Variants in KAZN observed in about 807,000 individuals in gnomAD.
The protein encoded by KAZN is kazrin, periplakin interacting protein, also known as kazrin.
In KAZN, 40 loss-of-function variants were observed where a neutral mutation model predicts 87.4. The observed-to-expected ratio is 0.46, with a 90% CI of 0.36 to 0.60. KAZN has a LOEUF of 0.60. KAZN is among the 20% of genes least tolerant of loss of function. The pLI is 0.00. For synonymous variants in KAZN, 466 were observed against 458.3 expected (o/e 1.02, Z -0.22); for missense variants, 898 against 1,073.9 (o/e 0.84, Z 2.29).
At chr1:14,781,007 C>G in intron 1 of KAZN, among the ~76,000 whole-genome samples, 1 of 152,128 alleles carries the variant, frequency 6.6e-6, no homozygotes, top group East Asian at 1.9e-4. Context: ...ACTGAAGGCA[C>G]CGAGAGTAAA....
chr1:14,831,183 C>T (rs1394757931), intron 1 of KAZN, among the ~76,000 whole-genome samples: 1 of 152,212 alleles, frequency 6.6e-6, no homozygotes. Flanking sequence ...TTGCTCATGC[C>T]CATTCCCTTG....
chr1:14,489,099 A>G (rs1440166739), intron 2 of KAZN, among the ~76,000 whole-genome samples: 1 of 152,230 alleles, frequency 6.6e-6, no homozygotes, highest in Non-Finnish European at 1.5e-5. Flanking sequence ...ATTCTTTGGC[A>G]ATTGTTGTTT....
intron 1 of KAZN, among the ~76,000 whole-genome samples, chr1:14,843,659 A>G (rs1648304739): frequency 2.0e-5 from 3 of 152,160 alleles, no homozygotes; most frequent in Non-Finnish European, 2.9e-5. Flanking sequence ...ACTGGCTTTA[A>G]ATGTTTTCAT....
chr1:14,061,045 C>T (rs67251133), intron 1 of KAZN, among the ~76,000 whole-genome samples: 26,341 of 152,166 alleles, frequency 0.17, 2,667 homozygotes, highest in Non-Finnish European at 0.23. Context: ...AACTTTTCTC[C>T]TAGAGAAAAA....
At chr1:14,420,555 T>C (rs1665329848) in intron 2 of KAZN, among the ~76,000 whole-genome samples, 1 of 152,032 alleles carries the variant, frequency 6.6e-6, no homozygotes, top group African/African-American at 2.4e-5. Context: ...GAGCAAGGGG[T>C]GCGCTCGTCG....
chr1:14,466,473 AAC>A (rs1414552711), intron 2 of KAZN, among the ~76,000 whole-genome samples: 2 of 152,132 alleles, frequency 1.3e-5, no homozygotes, highest in African/African-American at 2.4e-5. Flanking sequence ...GGAGGGGAAC[AAC>A]ACACACTGGG....
chr1:14,146,813 T>G (rs1157542486), intron 1 of KAZN, among the ~76,000 whole-genome samples: 1 of 152,140 alleles, frequency 6.6e-6, no homozygotes, highest in Non-Finnish European at 1.5e-5. Context: ...GATATTTTTC[T>G]TATCCTCAGT....
chr1:14,424,805 T>C (rs1665626170), intron 2 of KAZN, among the ~76,000 whole-genome samples: 1 of 152,228 alleles, frequency 6.6e-6, no homozygotes, highest in Admixed American at 6.5e-5. Flanking sequence ...GCTCCTAAGC[T>C]GTAATTCCAG....
intron 1 of KAZN, among the ~76,000 whole-genome samples, chr1:14,716,397 C>T (rs1310557832): frequency 2.0e-5 from 3 of 152,238 alleles, no homozygotes; most frequent in African/African-American, 4.8e-5. Flanking sequence ...CTCTCCCTCA[C>T]TTGAGGGCAT....
chr1:14,948,824 A>G (rs892388744), intron 1 of KAZN, among the ~76,000 whole-genome samples: 5 of 152,100 alleles, frequency 3.3e-5, no homozygotes, highest in African/African-American at 9.7e-5. Context: ...CTTGTGATGA[A>G]CTGGCAACAA....
In KAZN at chr1:14,184,425, TTGTC is replaced by T. The variant is rs1320340711; in HGVS notation, c.249+3839_249+3842del. 6.6e-6 allele frequency among the ~76,000 whole-genome samples: 1 copy of T among 152,272 alleles called. No homozygotes were observed. Among genetic ancestry groups the T allele is most frequent in the Admixed American group, 6.5e-5 (1 of 15,296 alleles). On this transcript the variant is annotated intron_variant, in intron 2 of 16. Transcript: ENST00000636203. This position sits in a 1 kb window ranked among gnomAD's most constrained non-coding sequence, Gnocchi z 4.2. ...CTTCCTTCCCTTTCCTGTTCTTTCCTTGTCTGTCTTTCTTTCTGTTATTTGTGTT... is the reference window on the plus strand; with the variant it reads ...CTTCCTTCCCTTTCCTGTTCTTTCCTTGTCTTTCTTTCTGTTATTTGTGTT...
upstream of KAZN, among the ~76,000 whole-genome samples, chr1:14,594,631 C>T (rs1238713938): frequency 2.6e-5 from 4 of 152,272 alleles, no homozygotes; most frequent in South Asian, 2.1e-4. Flanking sequence ...TTGGGGAACA[C>T]GCAAAAGGGG....
At chr1:14,383,936 C>A (rs1374159091) in intron 2 of KAZN, among the ~76,000 whole-genome samples, 2 of 152,044 alleles carry the variant, frequency 1.3e-5, no homozygotes, top group East Asian at 3.9e-4. Flanking sequence ...ATTGATTCTT[C>A]CTACCCATGA....
At chr1:14,488,966 C>T (rs538519187) in intron 2 of KAZN, among the ~76,000 whole-genome samples, 156 of 152,276 alleles carry the variant, frequency 1.0e-3, no homozygotes, top group African/African-American at 3.5e-3. Context: ...GCCTTATTCA[C>T]GGTAAGGGTG....
intron 2 of KAZN, among the ~76,000 whole-genome samples, chr1:14,991,813 T>C (rs1207033345): frequency 1.3e-5 from 2 of 152,178 alleles, no homozygotes; most frequent in Non-Finnish European, 1.5e-5. Flanking sequence ...TAGTCTTAGC[T>C]CTTCCCAGGA....
At chr1:14,752,307 G>C (rs1414727871) in intron 1 of KAZN, among the ~76,000 whole-genome samples, 1 of 152,184 alleles carries the variant, frequency 6.6e-6, no homozygotes, top group East Asian at 1.9e-4. Context: ...ATGCTGATAT[G>C]CCTTCCCTGA....
At chr1:14,147,544 A>G (rs1221417117) in intron 1 of KAZN, among the ~76,000 whole-genome samples, 1 of 152,238 alleles carries the variant, frequency 6.6e-6, no homozygotes, top group Non-Finnish European at 1.5e-5. Flanking sequence ...CTGTAATCCC[A>G]GCACTTTGGG....
intron 1 of KAZN, among the ~76,000 whole-genome samples, chr1:14,892,482 G>A (rs1363615486): frequency 6.6e-6 from 1 of 150,548 alleles, no homozygotes; most frequent in African/African-American, 2.5e-5. Context: ...TCTCAGGCTT[G>A]TTTCCCCCCA....
chr1:14,822,685 G>A (rs1451324348), intron 1 of KAZN, among the ~76,000 whole-genome samples: 3 of 152,210 alleles, frequency 2.0e-5, no homozygotes, highest in Admixed American at 6.5e-5. Flanking sequence ...GGGTCCTGAC[G>A]TAGGATGCCC....
Sources: allele counts gnomAD v4.1 joint callset (sites outside exome capture counted in the v4.1 genomes callset), GRCh38; gene constraint gnomAD v4.1.1; non-coding constraint Gnocchi (gnomAD v3.1); transcripts MANE v1.5; gene names NCBI Gene and HGNC (gene_info 2026-07-23, HGNC 2026-07-21).